Variants in QTMAN observed in about 807,000 individuals in gnomAD.
The protein encoded by QTMAN is tRNA-queuosine alpha-mannosyltransferase.
At chr2:144,293,474 C>T in the QTMAN span, among the ~76,000 whole-genome samples, 33 of 152,088 alleles carry the variant, frequency 2.2e-4, no homozygotes, top group Non-Finnish European at 1.3e-4. Flanking sequence ...TCAGGTAGGG[C>T]AAATCTCAGT....
At chr2:144,001,013 G>C in the QTMAN span, among the ~76,000 whole-genome samples, 1 of 151,870 alleles carries the variant, frequency 6.6e-6, no homozygotes, top group Non-Finnish European at 1.5e-5. Context: ...ACCAGTAAAG[G>C]CTGAAAGATT....
the QTMAN span, among the ~76,000 whole-genome samples, chr2:144,138,004 TCTTA>T: frequency 1.3e-5 from 2 of 152,102 alleles, no homozygotes; most frequent in African/African-American, 4.8e-5. Flanking sequence ...ACCTCCTGAC[TCTTA>T]CTTTGTCTTC....
the QTMAN span, among the ~76,000 whole-genome samples, chr2:144,152,834 C>T: frequency 6.6e-6 from 1 of 152,110 alleles, no homozygotes; most frequent in African/African-American, 2.4e-5. Context: ...GCCGTAAATA[C>T]AGGAAACATT....
the QTMAN span, among the ~76,000 whole-genome samples, chr2:143,992,529 A>C: frequency 6.6e-6 from 1 of 151,770 alleles, no homozygotes; most frequent in East Asian, 1.9e-4. Context: ...AAGAATGATC[A>C]ATAAAAAAAT....
At chr2:144,282,956 T>C in the QTMAN span, among the ~76,000 whole-genome samples, 1 of 152,218 alleles carries the variant, frequency 6.6e-6, no homozygotes, top group African/African-American at 2.4e-5. Context: ...GGTGAATACA[T>C]CCACGTGCTC....
At chr2:144,322,763 T>C in the QTMAN span, among the ~76,000 whole-genome samples, 1 of 152,212 alleles carries the variant, frequency 6.6e-6, no homozygotes, top group African/African-American at 2.4e-5. Context: ...ATATGAACTC[T>C]TTGTATTCTG....
At chr2:144,063,078 A>G in the QTMAN span, among the ~76,000 whole-genome samples, 2 of 151,892 alleles carry the variant, frequency 1.3e-5, no homozygotes, top group Non-Finnish European at 2.9e-5. Context: ...ATGGGAAAAA[A>G]CTCTCTATTT....
the QTMAN span, among the ~76,000 whole-genome samples, chr2:144,075,940 G>A: frequency 6.6e-6 from 1 of 152,200 alleles, no homozygotes; most frequent in African/African-American, 2.4e-5. Context: ...GTCAAATAAT[G>A]CACTGTTCAA....
chr2:144,090,541 T>A, the QTMAN span, among the ~76,000 whole-genome samples: 1 of 151,868 alleles, frequency 6.6e-6, no homozygotes, highest in South Asian at 2.1e-4. Context: ...GATAAAAATA[T>A]AAAAGTTAAT....
At chr2:144,014,654 A>AT in the QTMAN span, among the ~76,000 whole-genome samples, 2 of 152,342 alleles carry the variant, frequency 1.3e-5, no homozygotes, top group East Asian at 3.9e-4. Context: ...CAAAGACAGC[A>AT]TCTTCCATTG....
At chr2:144,198,295 G>A in the QTMAN span, among the ~76,000 whole-genome samples, 4 of 152,134 alleles carry the variant, frequency 2.6e-5, no homozygotes, top group African/African-American at 9.6e-5. Context: ...TGGTTTGAAT[G>A]GGGTTGACTC....
the QTMAN span, among the ~76,000 whole-genome samples, chr2:144,003,821 G>A: frequency 2.0e-5 from 3 of 151,986 alleles, no homozygotes; most frequent in Non-Finnish European, 4.4e-5. Flanking sequence ...GGCTTAGTAC[G>A]AGATATGTTA....
the QTMAN span, among the ~76,000 whole-genome samples, chr2:144,088,658 A>G: frequency 1.3e-5 from 2 of 152,114 alleles, no homozygotes; most frequent in African/African-American, 4.8e-5. Context: ...GAACCCAGAA[A>G]TAAAGCCACA....
chr2:144,154,870 T>C, the QTMAN span, among the ~76,000 whole-genome samples: 5 of 152,232 alleles, frequency 3.3e-5, no homozygotes, highest in Non-Finnish European at 5.9e-5. Context: ...ATCTGTCTTA[T>C]TCCCCATCCT....
the QTMAN span, among the ~76,000 whole-genome samples, chr2:144,033,225 G>C: frequency 1.3e-5 from 2 of 152,138 alleles, no homozygotes; most frequent in South Asian, 2.1e-4. Flanking sequence ...TGCAGTTAAG[G>C]GTTAAGTACT....
At chr2:144,013,988 G>C in the QTMAN span, among the ~76,000 whole-genome samples, 1 of 152,082 alleles carries the variant, frequency 6.6e-6, no homozygotes, top group Middle Eastern at 3.2e-3. Context: ...GCATTCTCAT[G>C]CGTACACAGA....
chr2:144,158,192 C>A, the QTMAN span, among the ~76,000 whole-genome samples: 2 of 151,934 alleles, frequency 1.3e-5, no homozygotes, highest in African/African-American at 2.4e-5. Context: ...TATTTTACCA[C>A]TCCATAGGAA....
At chr2:143,989,733 T>C in the QTMAN span, among the ~76,000 whole-genome samples, 1 of 152,158 alleles carries the variant, frequency 6.6e-6, no homozygotes, top group East Asian at 1.9e-4. Context: ...TTCTTGAGAT[T>C]TGACTAGAAG....
At chr2:144,143,462 T>C in the QTMAN span, among the ~76,000 whole-genome samples, 1 of 151,992 alleles carries the variant, frequency 6.6e-6, no homozygotes, top group Non-Finnish European at 1.5e-5. Flanking sequence ...TATTACAATG[T>C]TAATATCTAG....
Sources: allele counts gnomAD v4.1 joint callset (sites outside exome capture counted in the v4.1 genomes callset), GRCh38; gene constraint gnomAD v4.1.1; transcripts MANE v1.5; gene names NCBI Gene and HGNC (gene_info 2026-07-23, HGNC 2026-07-21).